Variants in ZRANB3 observed in about 807,000 individuals in gnomAD.
ZRANB3 encodes the protein DNA annealing helicase and endonuclease ZRANB3.
Under a neutral mutation model 133.8 loss-of-function variants are expected in ZRANB3, and 125 were observed. The observed-to-expected ratio is 0.93, with a 90% CI of 0.81 to 1.08. ZRANB3 has a LOEUF of 1.08. Ranked by LOEUF, ZRANB3 falls within the 50% of genes least tolerant of loss-of-function variation. ZRANB3 has a pLI of 0.00. For missense variants in ZRANB3, 1,229 were observed against 1,275.5 expected (o/e 0.96, Z 0.56); for synonymous variants, 387 against 432.7 (o/e 0.89, Z 1.31).
rs1302779431 is a variant in ZRANB3 at position 135,504,793 on chromosome 2, ATAAAC to A, written c.-7-302_-7-298del. Among the ~76,000 whole-genome samples the A allele has an allele frequency of 2.6e-5, 4 of 152,282 alleles. No individual in the cohort carries two copies. The East Asian group carries it at 7.7e-4, about 29-fold the overall frequency. ...CAAATTTATTACTAAAAAATTATAA[ATAAAC>A]TAGATTTTTCACAAATCGAATAATT... On this transcript the variant is annotated intron_variant, in intron 1 of 20. Coordinates refer to ENST00000264159, the MANE Select transcript of ZRANB3 (RefSeq NM_032143.4).
chr2:135,210,152 G>C (rs1694035998), intron 17 of ZRANB3, among the ~76,000 whole-genome samples: 1 of 152,010 alleles, frequency 6.6e-6, no homozygotes, highest in African/African-American at 2.4e-5. Flanking sequence ...ATCACACTGA[G>C]ACAGCAGTAA....
intron 2 of ZRANB3, among the ~76,000 whole-genome samples, chr2:135,460,301 C>T (rs1010353119): frequency 3.3e-5 from 5 of 151,454 alleles, no homozygotes; most frequent in African/African-American, 1.2e-4. Context: ...ATTCTGTCAT[C>T]TAGGCTGGAG....
In ZRANB3 at chr2:135,289,501, C is replaced by A. The variant is rs947455435; in HGVS notation, c.967-13746G>T. Among the ~76,000 whole-genome samples the A allele has an allele frequency of 3.9e-5, 6 of 152,234 alleles. No homozygotes were observed. In the East Asian group the frequency reaches 9.7e-4, roughly 25 times the overall value. On this transcript the variant is annotated intron_variant, in intron 8 of 20. Transcript: ENST00000264159. ...GAACTCCTGAACTTGTGATCTACCC[C>A]CCTCAGCCTCCCACAGTGCTGGGAT...
chr2:135,236,618 C>A (rs1165431431), intron 12 of ZRANB3, among the ~76,000 whole-genome samples: 1 of 152,078 alleles, frequency 6.6e-6, no homozygotes, highest in Non-Finnish European at 1.5e-5. Context: ...AGAACAGAGC[C>A]CTCAGAAATA....
At chr2:135,515,861 C>A (rs1246319318) in intron 1 of ZRANB3, among the ~76,000 whole-genome samples, 1 of 152,122 alleles carries the variant, frequency 6.6e-6, no homozygotes, top group East Asian at 1.9e-4. Context: ...ATTAATCTGT[C>A]TAATATTGAC....
At chr2:135,263,392 T>C (rs1462264947) in intron 12 of ZRANB3, among the ~76,000 whole-genome samples, 1 of 152,216 alleles carries the variant, frequency 6.6e-6, no homozygotes, top group African/African-American at 2.4e-5. Flanking sequence ...TTCTAAAAAA[T>C]GACGCAGTAA....
intron 2 of ZRANB3, among the ~76,000 whole-genome samples, chr2:135,408,916 G>C (rs998547004): frequency 6.6e-6 from 1 of 152,040 alleles, no homozygotes; most frequent in East Asian, 1.9e-4. Flanking sequence ...CATGGCACAT[G>C]TATACATATG....
chr2:135,412,496 T>C (rs944590677), intron 2 of ZRANB3, among the ~76,000 whole-genome samples: 1 of 152,152 alleles, frequency 6.6e-6, no homozygotes, highest in African/African-American at 2.4e-5. Flanking sequence ...ATAAAATATA[T>C]TTTCGTTTTT....
chr2:135,354,000 T>TA (rs550007270), intron 3 of ZRANB3, among the ~76,000 whole-genome samples: 4 of 150,896 alleles, frequency 2.7e-5, no homozygotes, highest in Non-Finnish European at 4.4e-5. Context: ...TAAGGCTGTC[T>TA]AAAAAAAAAT....
At chr2:135,228,738 G>T (rs1694863779) in intron 13 of ZRANB3, among the ~76,000 whole-genome samples, 1 of 152,126 alleles carries the variant, frequency 6.6e-6, no homozygotes, top group Non-Finnish European at 1.5e-5. Flanking sequence ...GGGAGGAGAA[G>T]ATTTGGGTAT....
At position 135,198,520 on chromosome 2, in the gene ZRANB3, T is replaced by A. The variant is rs1425272784; in HGVS notation, c.*1822A>T. On this transcript the variant is annotated 3_prime_UTR_variant, in exon 21 of 21. Coordinates refer to ENST00000264159, the MANE Select transcript of ZRANB3 (RefSeq NM_032143.4). Reference sequence around the variant, plus strand: ...GCCTATCTTCATGGATTGTTTCACCTCAAACCATCACACAGTTCTTACATC... The same window carrying A: ...GCCTATCTTCATGGATTGTTTCACCACAAACCATCACACAGTTCTTACATC... The A allele has an allele frequency of 2.0e-5, 3 of 152,230 alleles. No individual in the cohort carries two copies. Among genetic ancestry groups the A allele is most frequent in the Admixed American group, 2.0e-4 (3 of 15,280 alleles). The allele number at this position is 152,230 out of a possible 1,614,324, so 9.4% of individuals were successfully genotyped here.
chr2:135,439,002 T>C (rs187072922), intron 2 of ZRANB3, among the ~76,000 whole-genome samples: 32 of 152,350 alleles, frequency 2.1e-4, no homozygotes, highest in Admixed American at 5.2e-4. Context: ...CTAATTACTA[T>C]AAAATTTAAA....
chr2:135,287,797 T>G (rs1230865209), intron 8 of ZRANB3, among the ~76,000 whole-genome samples: 1 of 151,824 alleles, frequency 6.6e-6, no homozygotes. Context: ...TCCTGAAACT[T>G]TACTGAATTC....
chr2:135,444,668 G>A (rs1028804671), intron 2 of ZRANB3, among the ~76,000 whole-genome samples: 1 of 152,180 alleles, frequency 6.6e-6, no homozygotes, highest in Middle Eastern at 3.2e-3. Context: ...TGGGGACAAG[G>A]ATTGACTGAG....
rs1683200206 is a variant in ZRANB3 at position 135,315,381 on chromosome 2, T to C, written c.827A>G (p.Asp276Gly). 1 of 1,578,556 alleles carries C rather than the reference T, an allele frequency of 6.3e-7. No individual in the cohort carries two copies. The highest frequency in any genetic ancestry group is 1.2e-5 in the South Asian group (1 of 83,268). Residue 276 changes from aspartate to glycine, a missense_variant, in exon 7 of 21, where the codon GAT becomes GGT. By Grantham distance (94) the Asp-to-Gly change is moderately conservative. Transcript: ENST00000264159. ...CACCTTGGCAGCTGCTGATGGAAGA[T>C]CAAATGGAATACGCTGTCTGACTTT... The part of the protein sequence containing the change: ...PPKVRQRIPF[D>G]LPSAAAKELN...
chr2:135,473,485 T>C lies in ZRANB3; in HGVS notation c.161+30844A>G, dbSNP rs972118956. Among the ~76,000 whole-genome samples, 9 of 151,316 alleles carry C rather than the reference T, an allele frequency of 5.9e-5. No homozygotes were observed. In the South Asian group the frequency reaches 6.2e-4, roughly 10 times the overall value. On this transcript the variant is annotated intron_variant, in intron 2 of 20. Transcript: ENST00000264159. ...GCTTTATAAGTACTAAGTAGCAGTATACATATGAAAGGACTCAGGTAATGT... is the reference window on the plus strand; with the variant it reads ...GCTTTATAAGTACTAAGTAGCAGTACACATATGAAAGGACTCAGGTAATGT...
chr2:135,512,127 G>A (rs1416886063), intron 1 of ZRANB3, among the ~76,000 whole-genome samples: 1 of 152,040 alleles, frequency 6.6e-6, no homozygotes, highest in Non-Finnish European at 1.5e-5. Context: ...TGACAATATT[G>A]GCTAGGGAAA....
intron 2 of ZRANB3, among the ~76,000 whole-genome samples, chr2:135,478,813 T>C (rs1691622292): frequency 1.3e-5 from 2 of 151,896 alleles, no homozygotes; most frequent in Admixed American, 1.3e-4. Flanking sequence ...TCTTTTGTTT[T>C]ATATATATAA....
chr2:135,374,189 C>A (rs956256073), intron 3 of ZRANB3, among the ~76,000 whole-genome samples: 10 of 152,116 alleles, frequency 6.6e-5, no homozygotes, highest in African/African-American at 2.4e-4. Flanking sequence ...GGCGGATCAC[C>A]TGAGGTCAGG....
Sources: gnomAD v4.1 joint callset for allele counts (sites outside exome capture counted in the v4.1 genomes callset) on GRCh38, gnomAD v4.1.1 for gene constraint, MANE v1.5 for transcripts, NCBI Gene and HGNC (gene_info 2026-07-23, HGNC 2026-07-21) for gene names.